The following TAFA5 variants were observed in gnomAD, a reference collection of about 807,000 sequenced individuals.
The protein encoded by TAFA5 is chemokine-like protein TAFA-5.
Under a neutral mutation model 15.3 loss-of-function variants are expected in TAFA5, and 6 were observed. That is an observed-to-expected ratio of 0.39 (90% confidence interval 0.21 to 0.77). TAFA5 has a LOEUF of 0.77. Among genes scored for constraint, TAFA5 ranks in the 30% least tolerant of loss-of-function variants. The pLI, the probability that TAFA5 is intolerant of heterozygous loss-of-function variation, is 0.41. For synonymous variants in TAFA5, 103 were observed against 80.7 expected, an observed-to-expected ratio of 1.28 and a Z score of -1.48; for missense variants, 161 against 193.1, an observed-to-expected ratio of 0.83 and a Z score of 0.98.
At chr22:48,535,663 A>G in intron 1 of TAFA5, among the ~76,000 whole-genome samples, 1 of 150,550 alleles carries the variant, frequency 6.6e-6, no homozygotes, top group Non-Finnish European at 1.5e-5. Flanking sequence ...ATGTGCACAC[A>G]GGCTGTGTGA....
chr22:48,522,334 G>A (rs1029506884), intron 1 of TAFA5, among the ~76,000 whole-genome samples: 1 of 152,008 alleles, frequency 6.6e-6, no homozygotes, highest in Non-Finnish European at 1.5e-5. Context: ...TGAGGCTCCC[G>A]GAATTCCGTC....
intron 1 of TAFA5, among the ~76,000 whole-genome samples, chr22:48,540,973 C>T (rs1265907691): frequency 6.6e-6 from 1 of 152,028 alleles, no homozygotes; most frequent in East Asian, 1.9e-4. Context: ...CGTGAGGCTC[C>T]AGACCTGGGC....
chr22:48,744,542 G>A (rs1021433047), intron 3 of TAFA5, among the ~76,000 whole-genome samples: 20 of 152,146 alleles, frequency 1.3e-4, no homozygotes, highest in African/African-American at 4.3e-4. Flanking sequence ...GATTCCCTCA[G>A]CCCTGCAGCC....
chr22:48,496,452 C>A (rs1195771818), intron 1 of TAFA5, among the ~76,000 whole-genome samples: 2 of 152,196 alleles, frequency 1.3e-5, no homozygotes, highest in African/African-American at 4.8e-5. Flanking sequence ...GGGAACCTCC[C>A]AGCTCTCAGT....
At chr22:48,664,716 G>C (rs1927554503) in intron 2 of TAFA5, among the ~76,000 whole-genome samples, 1 of 152,078 alleles carries the variant, frequency 6.6e-6, no homozygotes. Context: ...CTCATTTTTG[G>C]ACTTGGATCC....
intron 1 of TAFA5, chr22:48,544,455 T>C (rs1922583796): frequency 5.7e-6 from 2 of 349,102 alleles, no homozygotes; most frequent in Non-Finnish European, 1.1e-5. Context: ...CGAGGTGACA[T>C]CTGACAAGGC....
intron 2 of TAFA5, among the ~76,000 whole-genome samples, chr22:48,667,776 G>T (rs12483775): frequency 0.46 from 8,805 of 19,064 alleles, 2,023 homozygotes; most frequent in East Asian, 0.73. Context: ...ACTGGGAGCT[G>T]TAATCCCCCA....
At chr22:48,666,622 A>G (rs58010310) in intron 2 of TAFA5, among the ~76,000 whole-genome samples, 67,479 of 151,646 alleles carry the variant, frequency 0.44, 15,529 homozygotes, top group East Asian at 0.74. Flanking sequence ...GTACACTGCC[A>G]TTCCCTCTTG....
At chr22:48,613,199 C>G (rs1925475126) in intron 1 of TAFA5, among the ~76,000 whole-genome samples, 1 of 152,202 alleles carries the variant, frequency 6.6e-6, no homozygotes, top group South Asian at 2.1e-4. Flanking sequence ...CTGAGTCACG[C>G]CGTATTCCTC....
At chr22:48,674,550 A>G (rs1927907360) in intron 2 of TAFA5, among the ~76,000 whole-genome samples, 1 of 151,922 alleles carries the variant, frequency 6.6e-6, no homozygotes, top group Non-Finnish European at 1.5e-5. Flanking sequence ...TTTGCAAACC[A>G]CGCTTTTGTT....
intron 3 of TAFA5, among the ~76,000 whole-genome samples, chr22:48,738,244 G>A (rs6010510): frequency 0.22 from 33,783 of 152,128 alleles, 4,053 homozygotes; most frequent in Admixed American, 0.32. Context: ...GGAAGCCCCC[G>A]GAATGTCTAT....
At chr22:48,624,887 A>G (rs962064213) in intron 1 of TAFA5, among the ~76,000 whole-genome samples, 2 of 152,020 alleles carry the variant, frequency 1.3e-5, no homozygotes, top group Non-Finnish European at 2.9e-5. Flanking sequence ...ATCACCTGAG[A>G]TCAGGAGTTC....
At chr22:48,746,862 G>A (rs945190074) in intron 3 of TAFA5, among the ~76,000 whole-genome samples, 1 of 152,134 alleles carries the variant, frequency 6.6e-6, no homozygotes, top group African/African-American at 2.4e-5. Context: ...GGTGCCTGCT[G>A]AGCTCCCCGT....
intron 1 of TAFA5, chr22:48,544,485 C>A: frequency 1.1e-5 from 4 of 354,150 alleles, no homozygotes; most frequent in South Asian, 8.4e-5. Context: ...TTGAAATATG[C>A]AGACCTCTGC....
chr22:48,559,336 C>T (rs949094454), intron 1 of TAFA5, among the ~76,000 whole-genome samples: 1 of 152,204 alleles, frequency 6.6e-6, no homozygotes, highest in African/African-American at 2.4e-5. Flanking sequence ...GAGCCCTCAG[C>T]CATCACTGCT....
At position 48,489,612 on chromosome 22, in the gene TAFA5, C is replaced by G. The variant is rs764031100; in HGVS notation, c.20C>G (p.Thr7Ser). MAPSPR[T>S]GSRQDATALP... is the part of the protein sequence containing the mutation. The stretch of plus-strand genomic sequence containing the variant: ...GCTTCAATGGCGCCATCGCCCAGGA[C>G]CGGCAGCCGGCAAGATGCGACCGCC... Residue 7 changes from threonine to serine, a missense_variant, in exon 1 of 4, where the codon ACC (threonine) becomes AGC (serine). Thr to Ser is a moderately conservative substitution (Grantham distance 58, BLOSUM62 1). Transcript: ENST00000402357. The surrounding 1 kb of genome is among the most constrained non-coding windows in gnomAD (Gnocchi z 5.5). 1 of 1,500,032 alleles carries G rather than the reference C, an allele frequency of 6.7e-7. No homozygotes were observed. Among genetic ancestry groups the G allele is most frequent in the Non-Finnish European group, 8.9e-7 (1 of 1,122,180 alleles). The allele number at this position is 1,500,032 out of a possible 1,614,324, so 92.9% of individuals were successfully genotyped here. A position where few individuals can be genotyped will look rare whatever the true frequency, so the allele number is the denominator to read the frequency against.
intron 2 of TAFA5, among the ~76,000 whole-genome samples, chr22:48,694,792 C>G (rs1480936578): frequency 3.3e-5 from 4 of 119,470 alleles, no homozygotes; most frequent in Non-Finnish European, 7.2e-5. Context: ...CACCCCCCAC[C>G]GCTCCAGACC....
intron 2 of TAFA5, among the ~76,000 whole-genome samples, chr22:48,687,080 T>A (rs1483196080): frequency 6.6e-6 from 1 of 151,146 alleles, no homozygotes; most frequent in Non-Finnish European, 1.5e-5. Flanking sequence ...AATGGGTGGA[T>A]GGATGGATGG....
intron 1 of TAFA5, among the ~76,000 whole-genome samples, chr22:48,591,582 C>T (rs1414140947): frequency 2.6e-5 from 4 of 152,240 alleles, no homozygotes; most frequent in South Asian, 2.1e-4. Context: ...TGACCGGGGG[C>T]GGCCCTGAGG....
Sources: allele counts gnomAD v4.1 joint callset (sites outside exome capture counted in the v4.1 genomes callset), GRCh38; gene constraint gnomAD v4.1.1; non-coding constraint Gnocchi (gnomAD v3.1); transcripts MANE v1.5; gene names NCBI Gene and HGNC (gene_info 2026-07-23, HGNC 2026-07-21).